The following MIS18A variants were observed in gnomAD, a reference collection of about 807,000 sequenced individuals.
MIS18A encodes MIS18 kinetochore protein A, also known as protein Mis18-alpha.
MIS18A carries 14 observed loss-of-function variants against 25.0 expected under a neutral mutation model. That is an observed-to-expected ratio of 0.56 (90% CI 0.37 to 0.88). The LOEUF is 0.88. Ranked by LOEUF, MIS18A falls within the 40% of genes least tolerant of loss-of-function variation. The probability of loss-of-function intolerance (pLI) is 0.00; values close to 1 mark genes in which losing one functional copy is unlikely to be tolerated. For synonymous variants in MIS18A, 134 were observed against 118.6 expected (o/e 1.13, Z -0.84); for missense variants, 292 against 290.8 (o/e 1.00, Z -0.03).
At chr21:32,266,591 C>A (rs1212514299), downstream of MIS18A, among the ~76,000 whole-genome samples, 1 of 152,062 alleles carries the variant, frequency 6.6e-6, no homozygotes, top group East Asian at 1.9e-4. Context: ...CAACTCCAGA[C>A]GCGCTGCCTT....
At chr21:32,209,490 G>C in the MIS18A span, among the ~76,000 whole-genome samples, 1 of 152,162 alleles carries the variant, frequency 6.6e-6, no homozygotes, top group South Asian at 2.1e-4. Context: ...GAAGCATTAG[G>C]TTGGTGCAAA....
At chr21:32,193,079 G>A in the MIS18A span, among the ~76,000 whole-genome samples, 25 of 152,296 alleles carry the variant, frequency 1.6e-4, no homozygotes, top group Admixed American at 1.5e-3. Context: ...CCCAGAATCT[G>A]CCTCACATTT....
chr21:32,258,569 G>A, the MIS18A span, among the ~76,000 whole-genome samples: 2 of 152,102 alleles, frequency 1.3e-5, no homozygotes, highest in Admixed American at 6.6e-5. Context: ...CAAAAAGTCC[G>A]ACTCACAGCC....
At chr21:32,240,687 A>G in the MIS18A span, among the ~76,000 whole-genome samples, 2 of 152,208 alleles carry the variant, frequency 1.3e-5, no homozygotes, top group African/African-American at 2.4e-5. Flanking sequence ...ACTTACTTGT[A>G]TTTATACATG....
At chr21:32,212,949 G>C in the MIS18A span, among the ~76,000 whole-genome samples, 7 of 152,270 alleles carry the variant, frequency 4.6e-5, no homozygotes, top group South Asian at 1.0e-3. Context: ...AAATTACCCA[G>C]TCTCGGGTAT....
the MIS18A span, among the ~76,000 whole-genome samples, chr21:32,249,968 T>C: frequency 2.6e-5 from 4 of 152,294 alleles, no homozygotes; most frequent in South Asian, 8.3e-4. Context: ...GAGGAATTCT[T>C]GGCACTCCCA....
the MIS18A span, among the ~76,000 whole-genome samples, chr21:32,209,090 T>C: frequency 6.6e-6 from 1 of 152,190 alleles, no homozygotes; most frequent in Admixed American, 6.5e-5. Flanking sequence ...GAAAATTCAT[T>C]TGTTATGGTG....
Position 32,278,824 on chromosome 21 carries a change from A to C in MIS18A, c.191T>G (p.Met64Arg), listed in dbSNP as rs762541519. The change falls in exon 1 of 5, where the codon ATG (methionine) becomes AGG (arginine). Residue 64 changes from methionine to arginine, a missense_variant. By Grantham distance (91) the Met-to-Arg change is moderately conservative. Transcript: ENST00000290130. Reference protein sequence around the residue: ...SMSEDASVADMERAQLEEEAA... With the variant: ...SMSEDASVADRERAQLEEEAA... ...CTCCTCCTCCAGCTGCGCCCTCTCC[A>C]TGTCGGCCACCGACGCGTCTTCGCT... 13 of 1,602,566 alleles carry C rather than the reference A, an allele frequency of 8.1e-6. No homozygotes were observed. Among genetic ancestry groups the C allele is most frequent in the Non-Finnish European group, 1.0e-5 (12 of 1,176,218 alleles).
the MIS18A span, among the ~76,000 whole-genome samples, chr21:32,157,760 T>C: frequency 1.3e-4 from 20 of 152,186 alleles, no homozygotes; most frequent in African/African-American, 4.8e-4. Flanking sequence ...AACTCTTAAA[T>C]AGTTTCTTAA....
the MIS18A span, among the ~76,000 whole-genome samples, chr21:32,155,216 C>A: frequency 6.6e-6 from 1 of 152,020 alleles, no homozygotes; most frequent in African/African-American, 2.4e-5. Context: ...AGAAGACAAG[C>A]AAACTTGTTT....
At chr21:32,165,108 C>T in the MIS18A span, among the ~76,000 whole-genome samples, 64 of 152,100 alleles carry the variant, frequency 4.2e-4, 1 homozygote, top group South Asian at 0.011. Flanking sequence ...CTGAGGCAGG[C>T]GGATCACCTG....
the MIS18A span, among the ~76,000 whole-genome samples, chr21:32,259,112 G>A: frequency 2.6e-5 from 4 of 152,062 alleles, no homozygotes; most frequent in South Asian, 2.1e-4. Flanking sequence ...AGACTCAAGC[G>A]ATCCTCCTGC....
chr21:32,278,410 C>T (rs2031858562), intron 1 of MIS18A: 1 of 478,556 alleles, frequency 2.1e-6, no homozygotes, highest in Non-Finnish European at 3.7e-6. Flanking sequence ...CTTTGTCGCC[C>T]TTTGTTTCTG....
the MIS18A span, among the ~76,000 whole-genome samples, chr21:32,155,487 T>C: frequency 6.6e-6 from 1 of 152,172 alleles, no homozygotes; most frequent in Admixed American, 6.5e-5. Context: ...TTTGGTTTGC[T>C]TGGAAGTAAA....
chr21:32,235,707 G>A, the MIS18A span, among the ~76,000 whole-genome samples: 9 of 152,218 alleles, frequency 5.9e-5, no homozygotes, highest in African/African-American at 1.9e-4. Context: ...TAGCCTGCAC[G>A]TTCTCTGTGG....
the MIS18A span, among the ~76,000 whole-genome samples, chr21:32,220,094 A>G: frequency 2.6e-5 from 4 of 152,222 alleles, no homozygotes; most frequent in Non-Finnish European, 5.9e-5. Context: ...TGAAGAGAGC[A>G]GTGGATTTCC....
chr21:32,183,783 T>C, the MIS18A span, among the ~76,000 whole-genome samples: 6 of 152,348 alleles, frequency 3.9e-5, 1 homozygote, highest in South Asian at 1.0e-3. Flanking sequence ...TCTGAATGGC[T>C]CTTTGCTGTT....
the MIS18A span, among the ~76,000 whole-genome samples, chr21:32,238,127 G>A: frequency 1.3e-5 from 2 of 152,190 alleles, no homozygotes; most frequent in African/African-American, 4.8e-5. Context: ...AGGCAGAAAA[G>A]CCATTTTCTA....
At chr21:32,195,131 T>C in the MIS18A span, among the ~76,000 whole-genome samples, 1 of 152,196 alleles carries the variant, frequency 6.6e-6, no homozygotes, top group African/African-American at 2.4e-5. Context: ...GAAAAGACAG[T>C]TATCAAAAAG....
Sources: gnomAD v4.1 joint callset for allele counts (sites outside exome capture counted in the v4.1 genomes callset) on GRCh38, gnomAD v4.1.1 for gene constraint, MANE v1.5 for transcripts, NCBI Gene and HGNC (gene_info 2026-07-23, HGNC 2026-07-21) for gene names.